Variants in SORCS3 observed in about 807,000 individuals in gnomAD.
The protein encoded by SORCS3 is sortilin related VPS10 domain containing receptor 3.
A neutral mutation model predicts 146.3 loss-of-function variants in SORCS3; 57 were observed. The ratio of observed to expected loss-of-function variants is 0.39; its 90% CI spans 0.31 to 0.49. The LOEUF is 0.49. Ranked by LOEUF, SORCS3 falls within the 20% of genes least tolerant of loss-of-function variation. The pLI is 0.92. For synonymous variants in SORCS3, 653 were observed against 618.5 expected (o/e 1.06, Z -0.83); for missense variants, 1,341 against 1,575.5 (o/e 0.85, Z 2.52).
At chr10:105,229,116 C>A (rs779653775) in intron 20 of SORCS3, among the ~76,000 whole-genome samples, 5 of 151,736 alleles carry the variant, frequency 3.3e-5, no homozygotes, top group African/African-American at 4.8e-5. Context: ...GAGGTTCTTT[C>A]TTCTGCTTGA....
chr10:104,977,062 T>TA (rs76261552), intron 3 of SORCS3, among the ~76,000 whole-genome samples: 195 of 140,266 alleles, frequency 1.4e-3, no homozygotes, highest in Middle Eastern at 7.1e-3. Flanking sequence ...AGTATAATAA[T>TA]AAAAAAAAAA....
intron 1 of SORCS3, among the ~76,000 whole-genome samples, chr10:104,714,380 A>G (rs1347156363): frequency 4.6e-5 from 7 of 152,070 alleles, no homozygotes; most frequent in Non-Finnish European, 1.0e-4. Context: ...ATTTTCTAAC[A>G]TATGCACTTA....
intron 4 of SORCS3, among the ~76,000 whole-genome samples, chr10:105,006,873 A>G (rs917776372): frequency 3.9e-5 from 6 of 152,116 alleles, no homozygotes; most frequent in Non-Finnish European, 7.4e-5. Flanking sequence ...ATTTTTCTTC[A>G]TAATAGTTTG....
intron 16 of SORCS3, among the ~76,000 whole-genome samples, chr10:105,210,576 G>A (rs542309613): frequency 2.6e-5 from 4 of 152,226 alleles, no homozygotes; most frequent in African/African-American, 7.2e-5. Context: ...AAATAGTAGC[G>A]GACTTTCTTT....
chr10:105,054,314 T>C (rs2055432042), intron 5 of SORCS3, among the ~76,000 whole-genome samples: 1 of 151,898 alleles, frequency 6.6e-6, no homozygotes, highest in African/African-American at 2.4e-5. Flanking sequence ...TATTATTTTA[T>C]GTTTATCAAA....
chr10:104,734,444 A>G (rs2016745175), intron 1 of SORCS3, among the ~76,000 whole-genome samples: 1 of 152,222 alleles, frequency 6.6e-6, no homozygotes, highest in African/African-American at 2.4e-5. Context: ...CTGAGAGAGG[A>G]CCTTAGTCCT....
chr10:105,091,942 T>C (rs552625423), intron 6 of SORCS3, among the ~76,000 whole-genome samples: 3 of 152,178 alleles, frequency 2.0e-5, no homozygotes, highest in Non-Finnish European at 4.4e-5. Context: ...ATATTTGTGA[T>C]CTGTCATGGT....
intron 1 of SORCS3, among the ~76,000 whole-genome samples, chr10:104,726,022 G>A (rs377666539): frequency 5.8e-4 from 88 of 152,250 alleles, no homozygotes; most frequent in East Asian, 1.5e-3. Flanking sequence ...AGATGAACCC[G>A]GTACCTCAGT....
At chr10:105,217,306 A>G (rs1198564952) in intron 19 of SORCS3, among the ~76,000 whole-genome samples, 184 bp downstream of exon 19, 1 of 152,198 alleles carries the variant, frequency 6.6e-6, no homozygotes, top group African/African-American at 2.4e-5. Context: ...TAGATTGATT[A>G]TTTTGAAGTT....
intron 1 of SORCS3, among the ~76,000 whole-genome samples, chr10:104,750,155 C>T (rs1442016259): frequency 6.6e-6 from 1 of 151,954 alleles, no homozygotes; most frequent in Non-Finnish European, 1.5e-5. Flanking sequence ...GAAAATGACC[C>T]AGGGAAAGAT....
At chr10:105,241,357 G>T (rs1166055272) in intron 20 of SORCS3, among the ~76,000 whole-genome samples, 2 of 152,214 alleles carry the variant, frequency 1.3e-5, no homozygotes, top group Non-Finnish European at 2.9e-5. Flanking sequence ...ATCACCTCAG[G>T]GGGAGCGCAG....
In SORCS3 at chr10:104,934,409, T is replaced by A. The variant is rs192604836; in HGVS notation, c.795+18477T>A. Reference sequence around the variant, plus strand: ...GACTGCAAAGGTAGCAGATAACTTTTCAAGTTTGGTGTTTAAAGAGCAGGG... The same window carrying A: ...GACTGCAAAGGTAGCAGATAACTTTACAAGTTTGGTGTTTAAAGAGCAGGG... On this transcript the variant is annotated intron_variant, in intron 3 of 26. Transcript: ENST00000369701. Among the ~76,000 whole-genome samples the A allele has an allele frequency of 8.5e-5, 13 of 152,322 alleles. No homozygotes were observed. In the East Asian group the frequency reaches 2.3e-3, roughly 27 times the overall value.
chr10:104,956,477 A>G (rs940749), intron 3 of SORCS3, among the ~76,000 whole-genome samples: 13,693 of 152,250 alleles, frequency 0.09, 761 homozygotes, highest in South Asian at 0.26. Context: ...ACACCATGGG[A>G]CATGGAAGGC....
intron 1 of SORCS3, among the ~76,000 whole-genome samples, chr10:104,690,140 G>T (rs1252575097): frequency 6.6e-6 from 1 of 152,178 alleles, no homozygotes; most frequent in Admixed American, 6.5e-5. Flanking sequence ...TTTATCCCTT[G>T]CCTGTAGCTG....
chr10:104,916,998 C>T (rs1446953873), intron 3 of SORCS3, among the ~76,000 whole-genome samples: 1 of 152,200 alleles, frequency 6.6e-6, no homozygotes, highest in Non-Finnish European at 1.5e-5. Flanking sequence ...TAATGTGCAT[C>T]CATAGACTTT....
At chr10:104,777,349 CT>C (rs1259474412) in intron 1 of SORCS3, among the ~76,000 whole-genome samples, 1 of 152,200 alleles carries the variant, frequency 6.6e-6, no homozygotes, top group Non-Finnish European at 1.5e-5. Context: ...ACACACTGAG[CT>C]GCAGGCAAGG....
chr10:105,235,071 C>T (rs2056785497), intron 20 of SORCS3, among the ~76,000 whole-genome samples: 1 of 151,962 alleles, frequency 6.6e-6, no homozygotes, highest in African/African-American at 2.4e-5. Context: ...GTTTGTTCTC[C>T]CTCTCCTGAT....
intron 4 of SORCS3, among the ~76,000 whole-genome samples, chr10:104,991,502 C>CTTTTTT (rs1554865716): frequency 7.1e-6 from 1 of 140,422 alleles, no homozygotes. Context: ...TCCTCTTCTT[C>CTTTTTT]CTTTTTTTTT....
chr10:105,012,413 A>AT (rs959294240), intron 4 of SORCS3, among the ~76,000 whole-genome samples: 20 of 151,486 alleles, frequency 1.3e-4, no homozygotes, highest in South Asian at 2.1e-4. Context: ...AGGTCTTGCC[A>AT]TTTTTTTTTC....
Sources: gnomAD v4.1 joint callset for allele counts (sites outside exome capture counted in the v4.1 genomes callset) on GRCh38, gnomAD v4.1.1 for gene constraint, MANE v1.5 for transcripts, NCBI Gene and HGNC (gene_info 2026-07-23, HGNC 2026-07-21) for gene names.